Variants in TCF7L2 observed in about 807,000 individuals in gnomAD.
TCF7L2 encodes transcription factor 7-like 2.
Under a neutral mutation model 77.9 loss-of-function variants are expected in TCF7L2, and 23 were observed. The ratio of observed to expected loss-of-function variants is 0.30; its 90% confidence interval spans 0.21 to 0.42. The LOEUF is 0.42. Ranked by LOEUF, TCF7L2 falls within the 10% of genes least tolerant of loss-of-function variation. The pLI is 1.00. For synonymous variants in TCF7L2, 413 were observed against 340.2 expected (o/e 1.21, Z -2.36); for missense variants, 654 against 793.1 (o/e 0.82, Z 2.11).
At chr10:113,142,894 G>A (rs1476721166) in intron 6 of TCF7L2, among the ~76,000 whole-genome samples, 1 of 152,240 alleles carries the variant, frequency 6.6e-6, no homozygotes, top group African/African-American at 2.4e-5. Context: ...TCCAAGCCCA[G>A]CTAATCTGTT....
intron 4 of TCF7L2, among the ~76,000 whole-genome samples, chr10:113,022,589 G>T (rs542520759): frequency 1.3e-5 from 2 of 152,102 alleles, no homozygotes; most frequent in African/African-American, 4.8e-5. Flanking sequence ...TGGTTAATAC[G>T]CGTATCTGCA....
At chr10:113,038,374 A>C (rs1482562864) in intron 4 of TCF7L2, among the ~76,000 whole-genome samples, 1 of 152,150 alleles carries the variant, frequency 6.6e-6, no homozygotes, top group East Asian at 1.9e-4. Context: ...GAAAGCTCTG[A>C]ATTTGTAGCA....
chr10:113,055,218 G>A (rs2055177006), intron 5 of TCF7L2, among the ~76,000 whole-genome samples: 1 of 152,222 alleles, frequency 6.6e-6, no homozygotes, highest in African/African-American at 2.4e-5. Context: ...TGGATGAGTT[G>A]ATTGGATCAA....
intron 4 of TCF7L2, among the ~76,000 whole-genome samples, chr10:112,998,241 G>T (rs947822449): frequency 2.6e-5 from 4 of 152,046 alleles, no homozygotes; most frequent in African/African-American, 7.2e-5. Flanking sequence ...GTTTAGCCCA[G>T]GTTCTGTTTC....
chr10:113,042,436 A>G (rs2052618520), intron 5 of TCF7L2, among the ~76,000 whole-genome samples: 1 of 152,140 alleles, frequency 6.6e-6, no homozygotes, highest in African/African-American at 2.4e-5. Flanking sequence ...CTGGTGGAGG[A>G]AGGTGGGCTC....
chr10:112,978,568 C>A (rs1000786467), intron 4 of TCF7L2, among the ~76,000 whole-genome samples: 1 of 150,870 alleles, frequency 6.6e-6, no homozygotes, highest in South Asian at 2.1e-4. Context: ...TGGGTTCATG[C>A]GATTCTCCTG....
At chr10:113,041,537 T>C (rs574857795) in intron 5 of TCF7L2, among the ~76,000 whole-genome samples, 35 of 152,296 alleles carry the variant, frequency 2.3e-4, no homozygotes, top group African/African-American at 6.7e-4. Flanking sequence ...CCTTGTGATG[T>C]CTTCTCTCCT....
chr10:113,019,703 G>A (rs1468934255), intron 4 of TCF7L2, among the ~76,000 whole-genome samples: 1 of 152,160 alleles, frequency 6.6e-6, no homozygotes, highest in African/African-American at 2.4e-5. Context: ...AAAGGTGGTT[G>A]ATTTTTTTCT....
At chr10:113,006,871 C>T (rs149974432) in intron 4 of TCF7L2, among the ~76,000 whole-genome samples, 10 of 152,218 alleles carry the variant, frequency 6.6e-5, no homozygotes, top group African/African-American at 1.4e-4. Context: ...CCTCCGGCCA[C>T]GCTGGCACTT....
In TCF7L2 at chr10:113,003,763, G is replaced by T. The variant is rs142871091; in HGVS notation, c.451-36262G>T. On this transcript the variant is annotated intron_variant, in intron 4 of 13. Transcript: ENST00000627217. Reference sequence around the variant, plus strand: ...TTGCTTGAGGTCCCACAGGCAGCGAGTATCAATCAACGTCAGGATCTGAGC... The same window carrying T: ...TTGCTTGAGGTCCCACAGGCAGCGATTATCAATCAACGTCAGGATCTGAGC... Among the ~76,000 whole-genome samples, 502 of 152,312 alleles carry T rather than the reference G, an allele frequency of 3.3e-3. 10 individuals carry two copies. Among genetic ancestry groups the T allele is most frequent in the East Asian group, 0.017 (86 of 5,188 alleles).
chr10:113,096,950 C>T (rs1378193729), intron 5 of TCF7L2, among the ~76,000 whole-genome samples: 2 of 152,122 alleles, frequency 1.3e-5, no homozygotes, highest in East Asian at 1.9e-4. Flanking sequence ...CCCCCCTGCT[C>T]GGCTTCTGCT....
At chr10:113,115,583 A>G (rs1160906455) in intron 5 of TCF7L2, among the ~76,000 whole-genome samples, 1 of 152,172 alleles carries the variant, frequency 6.6e-6, no homozygotes, top group Non-Finnish European at 1.5e-5. Flanking sequence ...GTTGTGATGA[A>G]CACAAGTTGT....
chr10:113,026,097 T>C (rs1446494609), intron 4 of TCF7L2, among the ~76,000 whole-genome samples: 9 of 151,970 alleles, frequency 5.9e-5, no homozygotes, highest in Admixed American at 4.6e-4. Flanking sequence ...CAGGCTGGTC[T>C]TGAACTCCTG....
At chr10:112,983,977 C>T (rs2040997186) in intron 4 of TCF7L2, among the ~76,000 whole-genome samples, 1 of 152,312 alleles carries the variant, frequency 6.6e-6, no homozygotes, top group South Asian at 2.1e-4. Flanking sequence ...GACATAACTT[C>T]GATTCTCCCA....
intron 3 of TCF7L2, among the ~76,000 whole-genome samples, chr10:112,954,198 A>G (rs1170344245): frequency 6.6e-6 from 1 of 151,920 alleles, no homozygotes; most frequent in East Asian, 1.9e-4. Flanking sequence ...TGTGTTTTTA[A>G]TGGCAAGGTG....
At chr10:113,074,402 A>G (rs2058466632) in intron 5 of TCF7L2, among the ~76,000 whole-genome samples, 1 of 152,168 alleles carries the variant, frequency 6.6e-6, no homozygotes, top group Non-Finnish European at 1.5e-5. Context: ...TGATTTTAAC[A>G]AGACGTAAAC....
chr10:113,067,998 CTT>C (rs1008075594), intron 5 of TCF7L2, among the ~76,000 whole-genome samples: 21 of 152,124 alleles, frequency 1.4e-4, no homozygotes, highest in Non-Finnish European at 2.8e-4. Flanking sequence ...TAAAAAACCT[CTT>C]TACCTGGGTG....
In TCF7L2 at chr10:113,023,829, C is replaced by T. The variant is rs546722692; in HGVS notation, c.451-16196C>T. On this transcript the variant is annotated intron_variant, in intron 4 of 13. Transcript: ENST00000627217. The stretch of plus-strand genomic sequence containing the variant: ...GACTACAGGCACCTGCCACCACACC[C>T]GGCTCATTTTTTGTATTTTTAGTAG... Among the ~76,000 whole-genome samples the T allele has an allele frequency of 5.0e-4, 76 of 152,068 alleles. No homozygotes were observed. In the South Asian group the frequency reaches 6.2e-3, roughly 12 times the overall value.
chr10:113,160,106 G>A (rs1180883349), intron 12 of TCF7L2, 114 bp downstream of exon 14: 9 of 930,152 alleles, frequency 9.7e-6, no homozygotes, highest in Non-Finnish European at 1.5e-5. Flanking sequence ...AGGAGACACA[G>A]GGGAGTGGGA....
Sources: allele counts gnomAD v4.1 joint callset (sites outside exome capture counted in the v4.1 genomes callset), GRCh38; gene constraint gnomAD v4.1.1; transcripts MANE v1.5; gene names NCBI Gene and HGNC (gene_info 2026-07-23, HGNC 2026-07-21).